The following DLG2 variants were observed in gnomAD, a reference collection of about 807,000 sequenced individuals.
DLG2 encodes the protein disks large homolog 2.
DLG2 carries 45 observed loss-of-function variants against 132.5 expected under a neutral mutation model. That is an observed-to-expected ratio of 0.34 (90% CI 0.27 to 0.44). DLG2 has a LOEUF of 0.44. Among genes scored for constraint, DLG2 ranks in the 20% least tolerant of loss-of-function variants. DLG2 has a pLI of 1.00. For missense variants in DLG2, 1,045 were observed against 1,196.9 expected, an observed-to-expected ratio of 0.87 and a Z score of 1.87; for synonymous variants, 424 against 419.6, an observed-to-expected ratio of 1.01 and a Z score of -0.13.
chr11:84,263,092 A>G (rs986727122), intron 7 of DLG2, among the ~76,000 whole-genome samples: 2 of 152,150 alleles, frequency 1.3e-5, no homozygotes, highest in African/African-American at 4.8e-5. Context: ...AAGTTAAGTA[A>G]TTCAGCAGTT....
rs534070789 is a variant in DLG2, at chr11:84,589,852, A to G, written c.358-55121T>C. ...AAATATACATGGAAATAAACTACCAAGACGGAATTTATTTTAAAACTCATT... is the reference window on the plus strand; with the variant it reads ...AAATATACATGGAAATAAACTACCAGGACGGAATTTATTTTAAAACTCATT... On this transcript the variant is annotated intron_variant, in intron 6 of 27. Transcript: ENST00000376104. Among the ~76,000 whole-genome samples the G allele has an allele frequency of 2.0e-5, 3 of 152,336 alleles. No homozygotes were observed. The East Asian group carries it at 5.8e-4, about 29-fold the overall frequency.
At chr11:83,474,924 T>C (rs2092462948) in intron 22 of DLG2, among the ~76,000 whole-genome samples, 1 of 152,158 alleles carries the variant, frequency 6.6e-6, no homozygotes, top group South Asian at 2.1e-4. Flanking sequence ...ATGATTGCGA[T>C]TCAGACAACT....
intron 7 of DLG2, among the ~76,000 whole-genome samples, chr11:84,292,918 CA>C (rs201170897): frequency 3.3e-5 from 5 of 150,900 alleles, no homozygotes; most frequent in African/African-American, 7.3e-5. Context: ...AGCTAAAAAA[CA>C]AAAAAAAATT....
intron 18 of DLG2, among the ~76,000 whole-genome samples, chr11:83,734,310 A>C (rs2091520284): frequency 6.6e-6 from 1 of 152,052 alleles, no homozygotes; most frequent in Admixed American, 6.6e-5. Context: ...GGATTGTGAA[A>C]TCAAATCAAT....
At chr11:85,296,337 T>G (rs958449463) in intron 3 of DLG2, among the ~76,000 whole-genome samples, 1 of 152,066 alleles carries the variant, frequency 6.6e-6, no homozygotes, top group African/African-American at 2.4e-5. Flanking sequence ...TAGAGACACA[T>G]GTTAAGTAGG....
chr11:84,273,381 C>T (rs1598842910), intron 7 of DLG2: 3 of 1,295,612 alleles, frequency 2.3e-6, no homozygotes, highest in African/African-American at 3.1e-5. Context: ...ACACAAACTG[C>T]TATCTTAAGA....
chr11:83,493,715 T>A (rs1365886779), intron 21 of DLG2, among the ~76,000 whole-genome samples: 1 of 152,140 alleles, frequency 6.6e-6, no homozygotes, highest in Non-Finnish European at 1.5e-5. Context: ...TTACTGATTA[T>A]TTTCAATATC....
At chr11:83,626,537 G>A (rs571122519) in intron 19 of DLG2, among the ~76,000 whole-genome samples, 17 of 152,294 alleles carry the variant, frequency 1.1e-4, no homozygotes, top group African/African-American at 1.7e-4. Context: ...ACCTGAGTGC[G>A]TTTGTCATAT....
In DLG2 at chr11:84,024,937, C is replaced by T. The variant is rs145539108; in HGVS notation, c.919+34378G>A. 3.8e-4 allele frequency among the ~76,000 whole-genome samples: 57 copies of T among 151,740 alleles called. No individual in the cohort carries two copies. The East Asian group carries it at 8.7e-3, about 23-fold the overall frequency. ...AAGGCATGTTAAGTATTTGAGGTGA[C>T]AGATATATTAACTAGCTTAATTGTT... On this transcript the variant is annotated intron_variant, in intron 11 of 27. Coordinates refer to ENST00000376104, the MANE Select transcript of DLG2 (RefSeq NM_001142699.3).
Position 85,598,797 on chromosome 11 carries a change from C to A in DLG2, c.-92-9G>T. The A allele has an allele frequency of 1.3e-6, 1 of 794,188 alleles. No individual in the cohort carries two copies. The allele number at this position is 794,188 out of a possible 1,614,324, so 49.2% of individuals were successfully genotyped here. ...TAAAGCTCGGTCAGTATCTGAAAAA[C>A]ATGATATTATTATTATATTTTATGG... On this transcript the variant is annotated splice_polypyrimidine_tract_variant and intron_variant, in intron 2 of 27. Transcript: ENST00000376104.
At chr11:84,656,332 C>T (rs994386086) in intron 6 of DLG2, among the ~76,000 whole-genome samples, 1 of 152,082 alleles carries the variant, frequency 6.6e-6, no homozygotes, top group Non-Finnish European at 1.5e-5. Flanking sequence ...TTCACTTGAG[C>T]CATGGAAACA....
intron 8 of DLG2, among the ~76,000 whole-genome samples, chr11:84,235,536 C>A (rs1174352247): frequency 6.6e-6 from 1 of 151,768 alleles, no homozygotes; most frequent in Non-Finnish European, 1.5e-5. Context: ...AGAGGGAGAA[C>A]CTGTCTTAAA....
chr11:83,532,677 G>A, intron 21 of DLG2, 31 bp downstream of exon 21: 1 of 1,595,626 alleles, frequency 6.3e-7, no homozygotes, highest in South Asian at 1.1e-5. Flanking sequence ...GCAACTGAGA[G>A]AACTTGATGT....
rs978696650 is a variant in DLG2, at chr11:85,324,635, C to T, written c.41-39270G>A. Among the ~76,000 whole-genome samples, 6 of 152,054 alleles carry T rather than the reference C, an allele frequency of 3.9e-5. No individual in the cohort carries two copies. In the East Asian group the frequency reaches 1.2e-3, roughly 29 times the overall value. On this transcript the variant is annotated intron_variant, in intron 3 of 27. Coordinates refer to ENST00000376104, the MANE Select transcript of DLG2 (RefSeq NM_001142699.3). ...TTTCTAACATACCTGAAAACGGCTG[C>T]CTACAGAAAAAAGCTACACAAGAGG... is the stretch of plus-strand genomic sequence containing the variant.
At position 84,139,558 on chromosome 11, in the gene DLG2, T is replaced by C. The variant is rs568768182; in HGVS notation, c.624+23903A>G. Among the ~76,000 whole-genome samples, 4 of 152,002 alleles carry C rather than the reference T, an allele frequency of 2.6e-5. No homozygotes were observed. The South Asian group carries it at 8.3e-4, about 32-fold the overall frequency. The stretch of plus-strand genomic sequence containing the variant: ...AATACTTATTAGGGCTAGGCACTAT[T>C]CTAAGCAGTCTATTTTCTATTTTTG... On this transcript the variant is annotated intron_variant, in intron 9 of 27. Transcript: ENST00000376104.
At chr11:84,012,704 A>G (rs1421579484) in intron 11 of DLG2, among the ~76,000 whole-genome samples, 1 of 152,174 alleles carries the variant, frequency 6.6e-6, no homozygotes, top group African/African-American at 2.4e-5. Context: ...AATAAACAGG[A>G]GGAAAGCAGG....
At chr11:83,880,756 C>A (rs943648544) in intron 15 of DLG2, among the ~76,000 whole-genome samples, 4 of 152,128 alleles carry the variant, frequency 2.6e-5, no homozygotes, top group African/African-American at 9.7e-5. Flanking sequence ...ACAAGATTAG[C>A]TTGATGAACC....
chr11:85,074,521 A>G (rs1439428037), intron 6 of DLG2, among the ~76,000 whole-genome samples: 1 of 151,886 alleles, frequency 6.6e-6, no homozygotes, highest in Non-Finnish European at 1.5e-5. Context: ...CTGGGAACAT[A>G]CCTTCTAAAA....
intron 27 of DLG2, chr11:83,461,646 C>G (rs886554109): frequency 1.7e-5 from 3 of 180,624 alleles, no homozygotes; most frequent in African/African-American, 7.1e-5. Flanking sequence ...CCATTTTGAG[C>G]CCTAAAATTT....
Sources: allele counts gnomAD v4.1 joint callset (sites outside exome capture counted in the v4.1 genomes callset), GRCh38; gene constraint gnomAD v4.1.1; transcripts MANE v1.5; gene names NCBI Gene and HGNC (gene_info 2026-07-23, HGNC 2026-07-21).